The following HHIPL1 variants were observed in gnomAD, a reference collection of about 807,000 sequenced individuals.
HHIPL1 encodes the protein HHIP-like protein 1.
In HHIPL1, 43 loss-of-function variants were observed where a neutral mutation model predicts 61.8. That is an observed-to-expected ratio of 0.70 (90% confidence interval 0.55 to 0.90). The LOEUF is 0.90. Ranked by LOEUF, HHIPL1 falls within the 40% of genes least tolerant of loss-of-function variation. The pLI is 0.00. For missense variants in HHIPL1, 1,056 were observed against 1,157.7 expected, an observed-to-expected ratio of 0.91 and a Z score of 1.28; for synonymous variants, 482 against 515.8, an observed-to-expected ratio of 0.93 and a Z score of 0.89.
intron 7 of HHIPL1, among the ~76,000 whole-genome samples, chr14:99,670,067 G>A (rs969285613): frequency 2.0e-5 from 3 of 151,560 alleles, no homozygotes; most frequent in African/African-American, 2.4e-5. Flanking sequence ...TAGTCAACTA[G>A]TATCAGTCCA....
the HHIPL1 span, among the ~76,000 whole-genome samples, chr14:99,631,048 T>TTTTCTTTCTTTCTTTCTTTCTTTC: frequency 5.0e-4 from 60 of 120,504 alleles, no homozygotes; most frequent in South Asian, 8.5e-4. Flanking sequence ...AGTGGCTCCA[T>TTTTCTTTCTTTCTTTCTTTCTTTC]TTTCTTTCTT....
At chr14:99,634,499 T>C in the HHIPL1 span, among the ~76,000 whole-genome samples, 1 of 152,192 alleles carries the variant, frequency 6.6e-6, no homozygotes, top group Non-Finnish European at 1.5e-5. Flanking sequence ...TGAGAGGGAC[T>C]TAGAATGTGG....
At chr14:99,642,679 C>A (rs1203790227), upstream of HHIPL1, among the ~76,000 whole-genome samples, 1 of 152,068 alleles carries the variant, frequency 6.6e-6, no homozygotes, top group Non-Finnish European at 1.5e-5. Context: ...GCGCCCATCA[C>A]CATGCCCGGC....
chr14:99,678,677 G>A lies in HHIPL1; in HGVS notation c.*3051G>A, dbSNP rs1482432040. The A allele has an allele frequency of 6.6e-6, 1 of 152,240 alleles. No individual in the cohort carries two copies. Among genetic ancestry groups the A allele is most frequent in the Non-Finnish European group, 1.5e-5 (1 of 68,044 alleles). 9.4% of individuals were successfully genotyped at this position (152,240 alleles called of 1,614,324 possible). A position where few individuals can be genotyped will look rare whatever the true frequency, so the allele number is the denominator to read the frequency against. ...GAAAAGTAATAATATTCCCAAATAA[G>A]GAAGGGGTATAGGCTGTGAGCTGGG... is the stretch of plus-strand genomic sequence containing the variant. On this transcript the variant is annotated 3_prime_UTR_variant, in exon 9 of 9. Transcript: ENST00000330710.
At chr14:99,644,946 G>C (rs938582323), upstream of HHIPL1, among the ~76,000 whole-genome samples, 2 of 152,160 alleles carry the variant, frequency 1.3e-5, no homozygotes, top group African/African-American at 2.4e-5. Flanking sequence ...AAAACACACC[G>C]GGGCTTTAAA....
chr14:99,659,290 G>A, intron 3 of HHIPL1, 138 bp from the exon 4 acceptor site: 1 of 601,116 alleles, frequency 1.7e-6, no homozygotes, highest in Non-Finnish European at 2.7e-6. Context: ...CAGCATCCCA[G>A]GGTCTCTGGC....
the HHIPL1 span, among the ~76,000 whole-genome samples, chr14:99,627,335 CCCATCCATCCAT>C: frequency 7.3e-4 from 110 of 149,676 alleles, no homozygotes; most frequent in Non-Finnish European, 1.3e-3. The surrounding 1 kb of genome is among the most constrained non-coding windows in gnomAD (Gnocchi z 4.4). Flanking sequence ...CATCCATCTG[CCCATCCATCCAT>C]CCATCCATCC....
chr14:99,621,101 T>C, the HHIPL1 span, among the ~76,000 whole-genome samples: 1 of 152,218 alleles, frequency 6.6e-6, no homozygotes, highest in Non-Finnish European at 1.5e-5. Context: ...CTTTATGTTA[T>C]GCCCACTTTT....
chr14:99,620,366 G>T, the HHIPL1 span, among the ~76,000 whole-genome samples: 1 of 152,250 alleles, frequency 6.6e-6, no homozygotes, highest in African/African-American at 2.4e-5. Flanking sequence ...GGACAGGAAT[G>T]GCTGGCTGAG....
upstream of HHIPL1, among the ~76,000 whole-genome samples, chr14:99,642,524 T>C (rs1017808867): frequency 3.0e-5 from 4 of 135,286 alleles, no homozygotes; most frequent in African/African-American, 1.0e-4. Context: ...AATATATCTT[T>C]TAATTTTTTT....
chr14:99,621,768 T>G, the HHIPL1 span, among the ~76,000 whole-genome samples: 3 of 127,782 alleles, frequency 2.3e-5, no homozygotes, highest in Admixed American at 2.0e-4. Context: ...CAGGCTGGAG[T>G]GCAGTGATGC....
chr14:99,606,368 A>G, the HHIPL1 span, among the ~76,000 whole-genome samples: 1 of 152,314 alleles, frequency 6.6e-6, no homozygotes, highest in African/African-American at 2.4e-5. Flanking sequence ...CCAGGAAGCC[A>G]TATTAACTTC....
chr14:99,611,402 C>T, the HHIPL1 span, among the ~76,000 whole-genome samples: 552 of 151,684 alleles, frequency 3.6e-3, 2 homozygotes, highest in Non-Finnish European at 5.7e-3. Context: ...CAAGTGATTC[C>T]CCTGCCTCAG....
intron 1 of HHIPL1, 22 bp downstream of exon 1, chr14:99,645,484 G>A: frequency 7.9e-7 from 1 of 1,262,644 alleles, no homozygotes; most frequent in Non-Finnish European, 9.9e-7. Flanking sequence ...CGCGGCCACC[G>A]GGCGGGGCGG....
chr14:99,636,912 G>A, the HHIPL1 span, among the ~76,000 whole-genome samples: 3 of 148,676 alleles, frequency 2.0e-5, no homozygotes, highest in African/African-American at 7.5e-5. Context: ...TGAGCCTGTA[G>A]TGAGCTGTGA....
At chr14:99,662,819 G>A (rs768619922) in intron 5 of HHIPL1, 57 bp from the exon 6 acceptor site, 96 of 1,488,218 alleles carry the variant, frequency 6.5e-5, no homozygotes, top group African/African-American at 1.7e-4. Context: ...GGATTGGTGG[G>A]TAGGTTCCCC....
intron 4 of HHIPL1, 88 bp downstream of exon 4, chr14:99,659,844 G>GCCCCCC (rs1314756310): frequency 3.2e-6 from 1 of 307,974 alleles, no homozygotes; most frequent in Non-Finnish European, 4.7e-6. Context: ...CTCGGAGACC[G>GCCCCCC]CACCCCCCCC....
intron 8 of HHIPL1, among the ~76,000 whole-genome samples, chr14:99,674,885 G>C (rs1335361803): frequency 6.6e-6 from 1 of 152,164 alleles, no homozygotes; most frequent in East Asian, 1.9e-4. Flanking sequence ...GTCCAGGCCG[G>C]CATCTTGCTG....
intron 6 of HHIPL1, among the ~76,000 whole-genome samples, chr14:99,665,859 G>A (rs1192175264): frequency 6.6e-6 from 1 of 151,856 alleles, no homozygotes; most frequent in Non-Finnish European, 1.5e-5. Context: ...TCGGCTCACT[G>A]CAACCTCTGC....
Sources: gnomAD v4.1 joint callset for allele counts (sites outside exome capture counted in the v4.1 genomes callset) on GRCh38, gnomAD v4.1.1 for gene constraint, Gnocchi (gnomAD v3.1) non-coding constraint, MANE v1.5 for transcripts, NCBI Gene and HGNC (gene_info 2026-07-23, HGNC 2026-07-21) for gene names.